Variants in TAF3 observed in about 807,000 individuals in gnomAD.
TAF3 encodes the protein transcription initiation factor TFIID subunit 3.
Under a neutral mutation model 80.6 loss-of-function variants are expected in TAF3, and 7 were observed. The observed-to-expected ratio is 0.09, with a 90% confidence interval of 0.05 to 0.16. TAF3 has a LOEUF of 0.16. Among genes scored for constraint, TAF3 ranks in the 10% least tolerant of loss-of-function variants. TAF3 has a pLI of 1.00. For missense variants in TAF3, 921 were observed against 1,140.2 expected (o/e 0.81, Z 2.77); for synonymous variants, 444 against 446.1 (o/e 1.00, Z 0.06).
At chr10:7,822,142 A>G (rs1472250817) in intron 1 of TAF3, among the ~76,000 whole-genome samples, 1 of 152,090 alleles carries the variant, frequency 6.6e-6, no homozygotes, top group Non-Finnish European at 1.5e-5. Context: ...AATTGTACTG[A>G]CAGTGATGTG....
At chr10:7,822,299 G>A (rs555843195) in intron 1 of TAF3, among the ~76,000 whole-genome samples, 70 of 151,832 alleles carry the variant, frequency 4.6e-4, no homozygotes, top group South Asian at 1.0e-3. Context: ...GAAACTACCA[G>A]GTTTTGGTTT....
chr10:7,998,253 A>ATATATG (rs1831908386), intron 4 of TAF3, among the ~76,000 whole-genome samples: 1 of 106,032 alleles, frequency 9.4e-6, no homozygotes, highest in African/African-American at 3.5e-5. Flanking sequence ...ATATATATAT[A>ATATATG]TATATATATA....
intron 4 of TAF3, among the ~76,000 whole-genome samples, chr10:7,996,567 T>C (rs1355694784): frequency 6.6e-6 from 1 of 152,170 alleles, no homozygotes; most frequent in Non-Finnish European, 1.5e-5. Flanking sequence ...TGTGTATCAC[T>C]GATCCAGATA....
At position 8,016,320 on chromosome 10, in the gene TAF3, TA is replaced by T. The variant is rs1232545994; in HGVS notation, c.*1573del. ...ATTAGTGTATGAATTAGTCATATTT[TA>T]AAACATTATGTGGTTAGAGAAATGC... On this transcript the variant is annotated 3_prime_UTR_variant, in exon 7 of 7. Coordinates refer to ENST00000344293, the MANE Select transcript of TAF3 (RefSeq NM_031923.4). 2 of 152,170 alleles carry T rather than the reference TA, an allele frequency of 1.3e-5. No homozygotes were observed. The highest frequency in any genetic ancestry group is 3.8e-4 in the East Asian group (2 of 5,196). The allele number at this position is 152,170 out of a possible 1,614,324, so 9.4% of individuals were successfully genotyped here.
intron 4 of TAF3, among the ~76,000 whole-genome samples, chr10:7,994,977 GAAAAAAAAAA>G (rs71287400): frequency 1.4e-4 from 14 of 97,646 alleles, no homozygotes; most frequent in South Asian, 1.4e-3. Context: ...CTCAAAAAAA[GAAAAAAAAAA>G]AAAAAAAAGA....
chr10:7,926,280 G>A (rs1168998344), intron 2 of TAF3, among the ~76,000 whole-genome samples: 2 of 151,542 alleles, frequency 1.3e-5, no homozygotes, highest in African/African-American at 4.9e-5. Context: ...TTTTTATTAC[G>A]CCAAGGAAGA....
At chr10:7,954,067 G>C (rs1838110616) in intron 2 of TAF3, among the ~76,000 whole-genome samples, 1 of 137,716 alleles carries the variant, frequency 7.3e-6, no homozygotes, top group Non-Finnish European at 1.6e-5. Flanking sequence ...GAGTGAATTA[G>C]TTCTAGTTAA....
Position 8,007,658 on chromosome 10 carries a change from T to C in TAF3, c.2316-1420T>C, listed in dbSNP as rs116638783. 6.1e-4 allele frequency among the ~76,000 whole-genome samples: 87 copies of C among 142,578 alleles called. 1 individual carries two copies. Among genetic ancestry groups the C allele is most frequent in the African/African-American group, 2.2e-3 (83 of 38,206 alleles). The allele number at this position is 142,578 out of a possible 152,430, so 93.5% of individuals were successfully genotyped here. A position where few individuals can be genotyped will look rare whatever the true frequency, so the allele number is the denominator to read the frequency against. On this transcript the variant is annotated intron_variant, in intron 4 of 6. Coordinates refer to ENST00000344293, the MANE Select transcript of TAF3 (RefSeq NM_031923.4). Reference sequence around the variant, plus strand: ...CTTAAAAACAAGCTTTGGAATCAAGTAGACTTTGGTTCAAAAGCTGCCACC... The same window carrying C: ...CTTAAAAACAAGCTTTGGAATCAAGCAGACTTTGGTTCAAAAGCTGCCACC...
chr10:7,929,282 C>A (rs1162022747), intron 2 of TAF3, among the ~76,000 whole-genome samples: 2 of 149,364 alleles, frequency 1.3e-5, no homozygotes, highest in Non-Finnish European at 3.0e-5. Flanking sequence ...TAATAGTCTT[C>A]TAAAATCTAT....
intron 2 of TAF3, among the ~76,000 whole-genome samples, chr10:7,941,063 A>G (rs1016040535): frequency 1.3e-5 from 2 of 152,198 alleles, no homozygotes; most frequent in African/African-American, 2.4e-5. Flanking sequence ...GGAAGGAAGA[A>G]AAGTCAAGGA....
At chr10:7,970,175 A>G (rs1831608766) in intron 3 of TAF3, among the ~76,000 whole-genome samples, 1 of 152,242 alleles carries the variant, frequency 6.6e-6, no homozygotes, top group South Asian at 2.1e-4. Flanking sequence ...GTTGTCGACA[A>G]TGGAAAGCCC....
rs533211656 is a variant in TAF3 at position 7,832,512 on chromosome 10, A to G, written c.409+7952A>G. On this transcript the variant is annotated intron_variant, in intron 2 of 6. Coordinates refer to ENST00000344293, the MANE Select transcript of TAF3 (RefSeq NM_031923.4). ...GTAATTACATCAGACTAAATTGGAT[A>G]TTTACCACCTGAAGCATTTATCATT... 6.6e-5 allele frequency among the ~76,000 whole-genome samples: 10 copies of G among 152,266 alleles called. No individual in the cohort carries two copies. In the East Asian group the frequency reaches 1.9e-3, roughly 29 times the overall value.
intron 2 of TAF3, among the ~76,000 whole-genome samples, chr10:7,888,994 T>C (rs1354598244): frequency 1.3e-5 from 2 of 152,242 alleles, no homozygotes; most frequent in Non-Finnish European, 2.9e-5. Flanking sequence ...ATAGACAGGA[T>C]GGTTGAGGCA....
intron 2 of TAF3, among the ~76,000 whole-genome samples, chr10:7,846,311 G>T (rs1186740011): frequency 1.3e-5 from 2 of 152,180 alleles, no homozygotes; most frequent in Non-Finnish European, 2.9e-5. Flanking sequence ...AAAAAGTATT[G>T]TATTAATTTA....
At chr10:7,874,344 T>C (rs1837295284) in intron 2 of TAF3, among the ~76,000 whole-genome samples, 2 of 152,198 alleles carry the variant, frequency 1.3e-5, no homozygotes, top group Non-Finnish European at 2.9e-5. Context: ...CATTTATAAA[T>C]TACAAATATT....
chr10:7,998,416 C>A (rs763259597), intron 4 of TAF3, among the ~76,000 whole-genome samples: 2 of 151,840 alleles, frequency 1.3e-5, no homozygotes, highest in Non-Finnish European at 2.9e-5. Context: ...TATGCACAAG[C>A]AGACATTTCT....
At chr10:8,004,288 TCCAC>T (rs1477944901) in intron 4 of TAF3, among the ~76,000 whole-genome samples, 1 of 152,094 alleles carries the variant, frequency 6.6e-6, no homozygotes, top group Non-Finnish European at 1.5e-5. Context: ...CCTCAAGCGA[TCCAC>T]CCACCTCGGC....
intron 3 of TAF3, among the ~76,000 whole-genome samples, chr10:7,976,488 C>T (rs1230194808): frequency 1.3e-5 from 2 of 151,386 alleles, no homozygotes; most frequent in African/African-American, 2.4e-5. Context: ...GATCTCGGCT[C>T]ACTGTAAGCT....
chr10:7,927,701 TTTAA>T (rs1564365067), intron 2 of TAF3, among the ~76,000 whole-genome samples: 1 of 152,202 alleles, frequency 6.6e-6, no homozygotes. Flanking sequence ...AATTGTGATG[TTTAA>T]TTGTGATGAA....
Sources: allele counts gnomAD v4.1 joint callset (sites outside exome capture counted in the v4.1 genomes callset), GRCh38; gene constraint gnomAD v4.1.1; transcripts MANE v1.5; gene names NCBI Gene and HGNC (gene_info 2026-07-23, HGNC 2026-07-21).